Variants in COX20 observed in about 807,000 individuals in gnomAD.
COX20 encodes the protein cytochrome c oxidase assembly factor COX20.
Under a neutral mutation model 14.3 loss-of-function variants are expected in COX20, and 14 were observed. The ratio of observed to expected loss-of-function variants is 0.98; its 90% CI spans 0.65 to 1.53. The LOEUF (loss-of-function observed/expected upper bound fraction) is 1.53. Ranked by LOEUF, COX20 falls within the 40% of genes most tolerant of loss-of-function variation. COX20 has a pLI of 0.00. For synonymous variants in COX20, 56 were observed against 51.7 expected (o/e 1.08, Z -0.36); for missense variants, 149 against 142.1 (o/e 1.05, Z -0.25).
At chr1:244,837,922 CTTA>C (rs1558175802) in intron 1 of COX20, among the ~76,000 whole-genome samples, 3 of 152,000 alleles carry the variant, frequency 2.0e-5, no homozygotes, top group South Asian at 4.1e-4. Flanking sequence ...CTACAGAGGA[CTTA>C]TTATAGTCAT....
At position 244,842,267 on chromosome 1, in the gene COX20, G is replaced by GC; in HGVS notation, c.221+10dup. 4.4e-6 allele frequency: 7 copies of GC among 1,578,492 alleles called. No homozygotes were observed. Among genetic ancestry groups the GC allele is most frequent in the Non-Finnish European group, 6.1e-6 (7 of 1,147,704 alleles). On this transcript the variant is annotated intron_variant, in intron 3 of 3. Coordinates refer to ENST00000411948, the MANE Select transcript of COX20 (RefSeq NM_198076.6). ...GTGACTTTGGGATGCTGGTATGTTT[G>GC]CTAAGTATTCAAGAACATCCATGAT... is the stretch of plus-strand genomic sequence containing the variant.
At chr1:244,836,511 A>T in intron 1 of COX20, 5 of 1,550,532 alleles carry the variant, frequency 3.2e-6, no homozygotes, top group Non-Finnish European at 4.4e-6. Context: ...TACATTTATC[A>T]TATTGGAAGG....
chr1:244,837,632 A>G (rs1680035578), intron 1 of COX20, among the ~76,000 whole-genome samples: 1 of 152,222 alleles, frequency 6.6e-6, no homozygotes, highest in East Asian at 1.9e-4. Flanking sequence ...CCTACTGAGT[A>G]TTAGACACTG....
rs1680258773 is a variant in COX20, at chr1:244,842,756, GTTTC to G, written c.222-282_222-279del. ...CCGTTAAAAACGAGAGCAAATACTT[GTTTC>G]TTATAATAGCCAATGCTATCAGAAG... is the stretch of plus-strand genomic sequence containing the variant. On this transcript the variant is annotated intron_variant, in intron 3 of 3. Coordinates refer to ENST00000411948, the MANE Select transcript of COX20 (RefSeq NM_198076.6). 1.8e-5 allele frequency: 5 copies of G among 270,770 alleles called. No individual in the cohort carries two copies. In the East Asian group the frequency reaches 4.5e-4, roughly 24 times the overall value. 16.8% of individuals were successfully genotyped at this position (270,770 alleles called of 1,614,324 possible).
At chr1:244,841,168 T>TTA (rs1680184772) in intron 1 of COX20, 1 of 152,222 alleles carries the variant, frequency 6.6e-6, no homozygotes, top group Non-Finnish European at 1.5e-5. Context: ...TTTTAGCACT[T>TTA]GAAGGAACTT....
In COX20 at chr1:244,841,927, C is replaced by T. The variant is rs757353914; in HGVS notation, c.43-17C>T. ...AATACTTTCTTACTCAATCTAGGTT[C>T]TTTTTTTTCATTCTAGTCCCTTAAG... On this transcript the variant is annotated splice_polypyrimidine_tract_variant and intron_variant, in intron 1 of 3. Transcript: ENST00000411948. 6.6e-5 allele frequency: 97 copies of T among 1,460,376 alleles called. No individual in the cohort carries two copies. Among genetic ancestry groups the T allele is most frequent in the South Asian group, 2.5e-4 (21 of 83,408 alleles). 90.5% of individuals were successfully genotyped at this position (1,460,376 alleles called of 1,614,324 possible). A position where few individuals can be genotyped will look rare whatever the true frequency, so the allele number is the denominator to read the frequency against.
rs1680330913 is a variant in COX20, at chr1:244,844,159, A to C, written c.*983A>C. 2 of 152,214 alleles carry C rather than the reference A, an allele frequency of 1.3e-5. No individual in the cohort carries two copies. Among genetic ancestry groups the C allele is most frequent in the African/African-American group, 4.8e-5 (2 of 41,454 alleles). The allele number at this position is 152,214 out of a possible 1,614,324, so 9.4% of individuals were successfully genotyped here. A position where few individuals can be genotyped will look rare whatever the true frequency, so the allele number is the denominator to read the frequency against. ...ACCATGGAAGGCACAGAAATCGAGC[A>C]AGGAAGAAAATATTAGTTATTTTGA... On this transcript the variant is annotated 3_prime_UTR_variant, in exon 4 of 4. Coordinates refer to ENST00000411948, the MANE Select transcript of COX20 (RefSeq NM_198076.6).
upstream of COX20, chr1:244,835,378 G>A (rs1679925497): frequency 3.6e-6 from 1 of 275,858 alleles, no homozygotes; most frequent in Non-Finnish European, 6.8e-6. Context: ...GGCGCGGGAA[G>A]CGGGGCTGTC....
At chr1:244,835,780 C>G in intron 1 of COX20, 24 bp downstream of exon 1, 2 of 1,247,616 alleles carry the variant, frequency 1.6e-6, no homozygotes, top group East Asian at 3.1e-5. Flanking sequence ...CGGCGGGGCG[C>G]GCGCCGCGGG....
intron 1 of COX20, chr1:244,841,679 G>C: frequency 3.0e-6 from 1 of 330,402 alleles, no homozygotes; most frequent in Non-Finnish European, 5.6e-6. Context: ...CAAGTCAGTT[G>C]ATTAGCAAAT....
chr1:244,838,951 G>A lies in COX20; in HGVS notation c.43-2993G>A, dbSNP rs746606293. 3.3e-5 allele frequency among the ~76,000 whole-genome samples: 5 copies of A among 152,062 alleles called. No homozygotes were observed. The East Asian group carries it at 9.6e-4, about 29-fold the overall frequency. Reference sequence around the variant, plus strand: ...ATTACAGGCATGTGCTACCATTCCTGGCTAATTTTTGTACTTTTAGTAGAG... The same window carrying A: ...ATTACAGGCATGTGCTACCATTCCTAGCTAATTTTTGTACTTTTAGTAGAG... On this transcript the variant is annotated intron_variant, in intron 1 of 3. Transcript: ENST00000411948.
intron 1 of COX20, chr1:244,836,427 C>T (rs1558174800): frequency 6.1e-6 from 9 of 1,483,366 alleles, no homozygotes; most frequent in Middle Eastern, 1.7e-4. Flanking sequence ...AGCGCTCTCC[C>T]TGGAAGGGCT....
intron 2 of COX20, 64 bp downstream of exon 2, chr1:244,842,122 ATTT>A (rs771476660): frequency 1.4e-4 from 211 of 1,463,934 alleles, no homozygotes; most frequent in Non-Finnish European, 1.9e-4. Flanking sequence ...ATAATGAACT[ATTT>A]TTTTTTCTAG....
rs771476660 is a variant in COX20 at position 244,842,122 on chromosome 1, A to AT, written c.158-64dup. 1.4e-3 allele frequency: 2,005 copies of AT among 1,455,624 alleles called. 1 individual carries two copies. The highest frequency in any genetic ancestry group is 2.1e-3 in the East Asian group (91 of 43,546). The allele number at this position is 1,455,624 out of a possible 1,614,324, so 90.2% of individuals were successfully genotyped here. A position where few individuals can be genotyped will look rare whatever the true frequency, so the allele number is the denominator to read the frequency against. On this transcript the variant is annotated intron_variant, in intron 2 of 3. Transcript: ENST00000411948. The stretch of plus-strand genomic sequence containing the variant: ...AAAGCATTTCTCTACATAATGAACT[A>AT]TTTTTTTTTCTAGGTGGAGTAATGT...
At chr1:244,839,969 C>G (rs1680129463) in intron 1 of COX20, 1 of 152,184 alleles carries the variant, frequency 6.6e-6, no homozygotes, top group Non-Finnish European at 1.5e-5. Flanking sequence ...GGCACTAATA[C>G]CTACCTCCCC....
intron 1 of COX20, chr1:244,841,613 G>C (rs1400112855): frequency 5.3e-6 from 1 of 190,462 alleles, no homozygotes; most frequent in African/African-American, 2.3e-5. Flanking sequence ...TCCAATGATA[G>C]GCATATTCCC....
intron 1 of COX20, among the ~76,000 whole-genome samples, chr1:244,838,034 A>AT (rs373879231): frequency 1.3e-4 from 20 of 152,236 alleles, no homozygotes; most frequent in African/African-American, 4.8e-4. Flanking sequence ...CAAAAAAAAA[A>AT]TTGTCTTTTG....
At chr1:244,842,996 G>C in intron 3 of COX20, 45 bp from the exon 4 acceptor site, 1 of 1,368,652 alleles carries the variant, frequency 7.3e-7, no homozygotes, top group Non-Finnish European at 9.8e-7. Context: ...ATTAATTTCT[G>C]TAGGACTTTA....
Position 244,841,966 on chromosome 1 carries a change from T to C in COX20, c.65T>C (p.Leu22Ser). The change falls in exon 2 of 4, where the codon TTA becomes TCA. Residue 22 changes from leucine (L) to serine (S), a missense_variant. Transcript: ENST00000411948. ...ERKSLKLLGF[L>S]DVENTPCARH... ...TAGTCCCTTAAGCTCCTAGGATTTTTAGATGTTGAAAATACTCCCTGCGCC... is the reference window on the plus strand; with the variant it reads ...TAGTCCCTTAAGCTCCTAGGATTTTCAGATGTTGAAAATACTCCCTGCGCC... The C allele has an allele frequency of 6.2e-7, 1 of 1,601,434 alleles. No homozygotes were observed. Among genetic ancestry groups the C allele is most frequent in the Non-Finnish European group, 8.5e-7 (1 of 1,170,170 alleles).
Sources: gnomAD v4.1 joint callset for allele counts (sites outside exome capture counted in the v4.1 genomes callset) on GRCh38, gnomAD v4.1.1 for gene constraint, MANE v1.5 for transcripts, NCBI Gene and HGNC (gene_info 2026-07-23, HGNC 2026-07-21) for gene names.